The following SLAIN1 variants were observed in gnomAD, a reference collection of about 807,000 sequenced individuals.
The protein encoded by SLAIN1 is SLAIN motif-containing protein 1.
Under a neutral mutation model 55.4 loss-of-function variants are expected in SLAIN1, and 17 were observed. The ratio of observed to expected loss-of-function variants is 0.31; its 90% CI spans 0.21 to 0.46. The LOEUF is 0.46. Ranked by LOEUF, SLAIN1 falls within the 20% of genes least tolerant of loss-of-function variation. SLAIN1 has a pLI of 1.00. For missense variants in SLAIN1, 682 were observed against 785.1 expected (o/e 0.87, Z 1.57); for synonymous variants, 348 against 337.4 (o/e 1.03, Z -0.35).
Position 77,746,859 on chromosome 13 carries a change from G to C in SLAIN1, c.1258+4G>C. On this transcript the variant is annotated splice_donor_region_variant and intron_variant, in intron 4 of 6. Transcript: ENST00000418532. ...CAACCAAATAGGACCAATGGAGGTA[G>C]GTTGTATGCTTTTTTGGTATTTGAT... 1.3e-6 allele frequency: 2 copies of C among 1,592,060 alleles called. No individual in the cohort carries two copies. Among genetic ancestry groups the C allele is most frequent in the Non-Finnish European group, 8.6e-7 (1 of 1,167,092 alleles).
At chr13:77,749,392 G>A (rs920718633) in intron 4 of SLAIN1, among the ~76,000 whole-genome samples, 3 of 151,986 alleles carry the variant, frequency 2.0e-5, no homozygotes, top group African/African-American at 4.8e-5. Flanking sequence ...ATAATTCTAC[G>A]GTATGGCAGG....
rs961903942 is a variant in SLAIN1 at position 77,727,444 on chromosome 13, A to T, written c.766+7773A>T. Among the ~76,000 whole-genome samples, 16 of 151,586 alleles carry T rather than the reference A, an allele frequency of 1.1e-4. No homozygotes were observed. In the East Asian group the frequency reaches 2.9e-3, roughly 27 times the overall value. On this transcript the variant is annotated intron_variant, in intron 2 of 6. Coordinates refer to ENST00000418532, the MANE Select transcript of SLAIN1 (RefSeq NM_001242868.2). ...TAAATTTTTTAAGTTGGGCAAAAAA[A>T]AAAACAAAACAATTTTCATTGAACA...
chr13:77,758,658 C>T (rs936761316), intron 5 of SLAIN1, among the ~76,000 whole-genome samples: 2 of 152,096 alleles, frequency 1.3e-5, no homozygotes, highest in African/African-American at 2.4e-5. Context: ...TGCCAGTTTT[C>T]CCAGCACCAT....
rs1255079712 is a variant in SLAIN1, at chr13:77,703,755, C to T, written c.626+5216C>T. ...ACACTGTTACAGAGAACTAAAGATT[C>T]GTTGATCGTGCTTATTAGTGTTGAT... On this transcript the variant is annotated intron_variant, in intron 1 of 6. Transcript: ENST00000418532. 4.6e-5 allele frequency among the ~76,000 whole-genome samples: 7 copies of T among 151,536 alleles called. 1 individual carries two copies. The highest frequency in any genetic ancestry group is 6.8e-3 in the Middle Eastern group (2 of 294).
intron 2 of SLAIN1, among the ~76,000 whole-genome samples, chr13:77,738,292 C>T (rs146117221): frequency 1.4e-3 from 219 of 151,478 alleles, no homozygotes; most frequent in African/African-American, 5.0e-3. Context: ...CTCAGGTACA[C>T]GGCATTACTT....
chr13:77,709,323 T>G (rs575716003), intron 1 of SLAIN1, among the ~76,000 whole-genome samples: 2 of 152,198 alleles, frequency 1.3e-5, no homozygotes, highest in African/African-American at 4.8e-5. Flanking sequence ...TGGAACCAAG[T>G]TGGAAAACAC....
intron 3 of SLAIN1, among the ~76,000 whole-genome samples, chr13:77,746,258 G>T (rs910006980): frequency 3.3e-5 from 5 of 152,154 alleles, no homozygotes; most frequent in African/African-American, 1.2e-4. Flanking sequence ...CGAATGAGCT[G>T]TGGCAGGTAT....
chr13:77,757,681 G>A (rs773709524), intron 5 of SLAIN1, among the ~76,000 whole-genome samples: 7 of 151,978 alleles, frequency 4.6e-5, no homozygotes, highest in Non-Finnish European at 7.4e-5. Flanking sequence ...GAGAACATAC[G>A]ATATTTACTT....
At chr13:77,699,034 T>C (rs1330806456) in intron 1 of SLAIN1, 2 of 1,535,498 alleles carry the variant, frequency 1.3e-6, no homozygotes, top group South Asian at 1.2e-5. Context: ...AGCCGCGCAG[T>C]GATGGATCTC....
intron 2 of SLAIN1, among the ~76,000 whole-genome samples, chr13:77,722,322 C>A (rs1470262727): frequency 6.6e-6 from 1 of 151,952 alleles, no homozygotes; most frequent in Non-Finnish European, 1.5e-5. Flanking sequence ...TAAGAAGTAA[C>A]CAATTAGGTT....
In SLAIN1 at chr13:77,697,971, G is replaced by A; in HGVS notation, c.58G>A (p.Gly20Arg). ...AGGGGTCAGCTCTGGAGCGGGCTCC[G>A]GGCCGGTGGTGAACGCGGAGCTGGA... Reference protein sequence around the residue: ...SAGVSSGAGSGPVVNAELEVK... With the variant: ...SAGVSSGAGSRPVVNAELEVK... The change falls in exon 1 of 7, where the codon GGG (glycine) becomes AGG (arginine). Residue 20 changes from glycine (G) to arginine (R), a missense_variant. By Grantham distance (125) the Gly-to-Arg change is moderately radical. Transcript: ENST00000418532. The A allele has an allele frequency of 6.9e-7, 1 of 1,450,072 alleles. No individual in the cohort carries two copies. Among genetic ancestry groups the A allele is most frequent in the Non-Finnish European group, 9.1e-7 (1 of 1,092,928 alleles). 89.8% of individuals were successfully genotyped at this position (1,450,072 alleles called of 1,614,324 possible). A position where few individuals can be genotyped will look rare whatever the true frequency, so the allele number is the denominator to read the frequency against.
At chr13:77,711,030 A>C (rs1304271951) in intron 1 of SLAIN1, among the ~76,000 whole-genome samples, 1 of 152,230 alleles carries the variant, frequency 6.6e-6, no homozygotes, top group Non-Finnish European at 1.5e-5. Context: ...CTTTAAAACC[A>C]ATGAGAACAA....
At chr13:77,753,447 T>C in intron 5 of SLAIN1, 89 bp downstream of exon 5, 8 of 767,618 alleles carry the variant, frequency 1.0e-5, no homozygotes, top group Non-Finnish European at 1.4e-5. Context: ...CTGTTTTATT[T>C]CTTTGTATTT....
intron 2 of SLAIN1, among the ~76,000 whole-genome samples, chr13:77,736,372 G>A (rs540033802): frequency 1.3e-5 from 2 of 151,988 alleles, no homozygotes; most frequent in South Asian, 4.2e-4. Context: ...GTTCCCCCTA[G>A]CTAATCTCTG....
In SLAIN1 at chr13:77,752,361, G is replaced by A. The variant is rs558206991; in HGVS notation, c.1259-842G>A. Reference sequence around the variant, plus strand: ...GTTTTGGTAAATTTAATGGCTATAAGATTATTTTCTAACTTTTTAAATATA... The same window carrying A: ...GTTTTGGTAAATTTAATGGCTATAAAATTATTTTCTAACTTTTTAAATATA... On this transcript the variant is annotated intron_variant, in intron 4 of 6. Transcript: ENST00000418532. Among the ~76,000 whole-genome samples the A allele has an allele frequency of 6.6e-4, 97 of 145,996 alleles. 2 individuals carry two copies. The Admixed American group carries it at 6.7e-3, about 10-fold the overall frequency.
At chr13:77,732,000 T>C (rs1172133771) in intron 2 of SLAIN1, among the ~76,000 whole-genome samples, 1 of 152,106 alleles carries the variant, frequency 6.6e-6, no homozygotes, top group Non-Finnish European at 1.5e-5. Flanking sequence ...GTGCAGGTAT[T>C]TTAATAAAAT....
chr13:77,761,259 ATGGATAT>A, intron 6 of SLAIN1, 149 bp downstream of exon 6: 2 of 759,310 alleles, frequency 2.6e-6, no homozygotes, highest in Non-Finnish European at 4.2e-6. Context: ...TTGAAAAGTG[ATGGATAT>A]CCCTGTGTGG....
chr13:77,741,502 A>G (rs1173141641), intron 2 of SLAIN1: 7 of 889,252 alleles, frequency 7.9e-6, no homozygotes, highest in Non-Finnish European at 8.1e-6. Context: ...CAGGCTTCAC[A>G]GTTTCATGAA....
Position 77,697,805 on chromosome 13 carries a change from G to C in SLAIN1, c.-109G>C. The C allele has an allele frequency of 8.9e-7, 1 of 1,124,088 alleles. No individual in the cohort carries two copies. The highest frequency in any genetic ancestry group is 1.1e-6 in the Non-Finnish European group (1 of 909,190). The allele number at this position is 1,124,088 out of a possible 1,614,324, so 69.6% of individuals were successfully genotyped here. A position where few individuals can be genotyped will look rare whatever the true frequency, so the allele number is the denominator to read the frequency against. ...GCTCGGCCTCAGCCCGCGCGTGGTC[G>C]GCCCCCCAGGCCGGGGCGACAGGGA... is the stretch of plus-strand genomic sequence containing the variant. On this transcript the variant is annotated 5_prime_UTR_variant, in exon 1 of 7. Coordinates refer to ENST00000418532, the MANE Select transcript of SLAIN1 (RefSeq NM_001242868.2).
Sources: gnomAD v4.1 joint callset for allele counts (sites outside exome capture counted in the v4.1 genomes callset) on GRCh38, gnomAD v4.1.1 for gene constraint, MANE v1.5 for transcripts, NCBI Gene and HGNC (gene_info 2026-07-23, HGNC 2026-07-21) for gene names.